Variants in THRB observed in about 807,000 individuals in gnomAD.
THRB encodes the protein thyroid hormone receptor beta, also known as nuclear receptor subfamily 1 group A member 2.
THRB carries 12 observed loss-of-function variants against 47.8 expected under a neutral mutation model. The ratio of observed to expected loss-of-function variants is 0.25; its 90% CI spans 0.16 to 0.41. THRB has a LOEUF of 0.41. Ranked by LOEUF, THRB falls within the 10% of genes least tolerant of loss-of-function variation. The pLI is 1.00. For synonymous variants in THRB, 218 were observed against 212.2 expected (o/e 1.03, Z -0.24); for missense variants, 348 against 589.2 (o/e 0.59, Z 4.24).
intron 6 of THRB, among the ~76,000 whole-genome samples, chr3:24,149,027 A>G (rs2036518798): frequency 6.6e-6 from 1 of 152,176 alleles, no homozygotes; most frequent in South Asian, 2.1e-4. Context: ...GATGTTGGCA[A>G]TGATTTCCTG....
At chr3:24,405,328 G>C (rs2067733584) in intron 1 of THRB, among the ~76,000 whole-genome samples, 1 of 151,920 alleles carries the variant, frequency 6.6e-6, no homozygotes, top group East Asian at 1.9e-4. Context: ...CTGTAACACA[G>C]TCATGACTGT....
intron 4 of THRB, among the ~76,000 whole-genome samples, chr3:24,206,296 A>G (rs2149791879): frequency 6.6e-6 from 1 of 152,328 alleles, no homozygotes; most frequent in East Asian, 1.9e-4. Flanking sequence ...ATCACAACAA[A>G]CTGTCTCTCA....
At chr3:24,171,210 C>A (rs1338529900) in intron 5 of THRB, among the ~76,000 whole-genome samples, 1 of 152,208 alleles carries the variant, frequency 6.6e-6, no homozygotes, top group Non-Finnish European at 1.5e-5. Flanking sequence ...ACATCTAATA[C>A]ATTTTGGCGG....
At chr3:24,430,065 T>C (rs1048738467) in intron 1 of THRB, 2 of 152,074 alleles carry the variant, frequency 1.3e-5, no homozygotes, top group Non-Finnish European at 1.5e-5. Context: ...ATGAGGACTA[T>C]ATCATGTACT....
chr3:24,235,304 TAC>T (rs2048746229), intron 3 of THRB, among the ~76,000 whole-genome samples: 1 of 152,184 alleles, frequency 6.6e-6, no homozygotes, highest in Non-Finnish European at 1.5e-5. Flanking sequence ...GTATCGAAAC[TAC>T]AGCACTGAAG....
chr3:24,189,511 C>T (rs904499853), intron 5 of THRB, among the ~76,000 whole-genome samples: 6 of 143,998 alleles, frequency 4.2e-5, no homozygotes, highest in African/African-American at 1.5e-4. Flanking sequence ...GAACTTAGGC[C>T]AGTTTAATGT....
At chr3:24,271,577 C>A (rs952324481) in intron 3 of THRB, among the ~76,000 whole-genome samples, 5 of 152,024 alleles carry the variant, frequency 3.3e-5, no homozygotes, top group Non-Finnish European at 7.4e-5. Context: ...GTTAGAGGTT[C>A]TCATTAGAAG....
chr3:24,220,803 A>G (rs1249193734), intron 4 of THRB, among the ~76,000 whole-genome samples: 1 of 31,444 alleles, frequency 3.2e-5, no homozygotes, highest in African/African-American at 1.7e-4. Context: ...TAAACAAAAG[A>G]AAAAAAAAAA....
intron 4 of THRB, among the ~76,000 whole-genome samples, chr3:24,204,905 G>C (rs759337474): frequency 5.9e-5 from 9 of 152,194 alleles, no homozygotes; most frequent in Non-Finnish European, 1.3e-4. Context: ...GGGTATCAGT[G>C]ATTGAAGATC....
intron 5 of THRB, among the ~76,000 whole-genome samples, chr3:24,188,829 T>C: frequency 7.6e-6 from 1 of 132,120 alleles, no homozygotes; most frequent in East Asian, 2.2e-4. Context: ...TTTTTCTATA[T>C]AGCCCTTTCA....
chr3:24,318,542 A>C (rs536879474), intron 2 of THRB: 2 of 152,332 alleles, frequency 1.3e-5, no homozygotes, highest in South Asian at 4.2e-4. Flanking sequence ...ATTGCATGAC[A>C]ATTAGTATGT....
chr3:24,477,085 GGTGTGT>G (rs71855335), intron 1 of THRB, among the ~76,000 whole-genome samples: 10 of 137,654 alleles, frequency 7.3e-5, no homozygotes, highest in South Asian at 2.4e-4. Context: ...CATATAAAGG[GGTGTGT>G]GTGTGTGTGT....
At chr3:24,140,145 G>A (rs2035246192) in intron 8 of THRB, among the ~76,000 whole-genome samples, 1 of 152,190 alleles carries the variant, frequency 6.6e-6, no homozygotes, top group African/African-American at 2.4e-5. Context: ...TAAATACTCA[G>A]TTGGAGTCAC....
intron 3 of THRB, among the ~76,000 whole-genome samples, chr3:24,294,859 T>C (rs1242983017): frequency 6.6e-6 from 1 of 152,212 alleles, no homozygotes; most frequent in African/African-American, 2.4e-5. Context: ...CAAGGAAACT[T>C]TCCCTTAATG....
intron 1 of THRB, among the ~76,000 whole-genome samples, chr3:24,406,812 C>G (rs1165621613): frequency 6.6e-6 from 1 of 151,744 alleles, no homozygotes; most frequent in Non-Finnish European, 1.5e-5. Flanking sequence ...AAAACAGCAA[C>G]AAAACAATTG....
intron 2 of THRB, among the ~76,000 whole-genome samples, chr3:24,316,203 C>T (rs925906117): frequency 6.6e-6 from 1 of 152,114 alleles, no homozygotes; most frequent in Non-Finnish European, 1.5e-5. Context: ...TCTCAATGGG[C>T]TACTACAGAG....
intron 3 of THRB, among the ~76,000 whole-genome samples, chr3:24,288,907 T>C (rs1307355698): frequency 6.6e-6 from 1 of 152,224 alleles, no homozygotes; most frequent in Non-Finnish European, 1.5e-5. Flanking sequence ...TTATGTAAAA[T>C]GTATTTCTTA....
rs189485661 is a variant in THRB, at chr3:24,436,043, C to T, written c.-261+58609G>A. Among the ~76,000 whole-genome samples, 614 of 152,122 alleles carry T rather than the reference C, an allele frequency of 4.0e-3. 10 individuals are homozygous for T. Among genetic ancestry groups the T allele is most frequent in the Non-Finnish European group, 1.7e-3 (114 of 67,992 alleles). On this transcript the variant is annotated intron_variant, in intron 1 of 10. Transcript: ENST00000646209. Reference sequence around the variant, plus strand: ...GGGAGAGAATTAAAAATGACACTTACGTACTGAGACCTCAGGGTGAGTCAG... The same window carrying T: ...GGGAGAGAATTAAAAATGACACTTATGTACTGAGACCTCAGGGTGAGTCAG...
chr3:24,432,159 ATACGTTATAAGATG>A (rs1560172398), intron 1 of THRB, among the ~76,000 whole-genome samples: 1 of 152,082 alleles, frequency 6.6e-6, no homozygotes, highest in Non-Finnish European at 1.5e-5. Context: ...TAGCCTACAT[ATACGTTATAAGATG>A]TACATTTATT....
Sources: allele counts gnomAD v4.1 joint callset (sites outside exome capture counted in the v4.1 genomes callset), GRCh38; gene constraint gnomAD v4.1.1; transcripts MANE v1.5; gene names NCBI Gene and HGNC (gene_info 2026-07-23, HGNC 2026-07-21).